TBC1D8: variants seen among roughly 807,000 people sequenced by gnomAD.
The protein encoded by TBC1D8 is BUB2-like protein 1.
A neutral mutation model predicts 118.8 loss-of-function variants in TBC1D8; 65 were observed. The ratio of observed to expected loss-of-function variants is 0.55; its 90% CI spans 0.45 to 0.67. The LOEUF (loss-of-function observed/expected upper bound fraction) is 0.67. Ranked by LOEUF, TBC1D8 falls within the 30% of genes least tolerant of loss-of-function variation. TBC1D8 has a pLI of 0.00. For missense variants in TBC1D8, 1,376 were observed against 1,471.2 expected (o/e 0.94, Z 1.06); for synonymous variants, 566 against 595.8 (o/e 0.95, Z 0.73).
At chr2:101,126,364 A>G (rs572189996) in intron 1 of TBC1D8, among the ~76,000 whole-genome samples, 1 of 152,316 alleles carries the variant, frequency 6.6e-6, no homozygotes, top group South Asian at 2.1e-4. Flanking sequence ...CACACAAACC[A>G]TATCCGAACC....
At position 101,032,544 on chromosome 2, in the gene TBC1D8, T is replaced by A. The variant is rs758096492; in HGVS notation, c.1819-159A>T. ...CTGACACTGTACAGTGGAATGACCG[T>A]GACAGCAACACAGTCCTCACAGGAC... On this transcript the variant is annotated intron_variant, in intron 10 of 19. Coordinates refer to ENST00000409318, the MANE Select transcript of TBC1D8 (RefSeq NM_001330348.2). The A allele has an allele frequency of 3.7e-5, 22 of 597,966 alleles. No homozygotes were observed. The Middle Eastern group carries it at 1.3e-3, about 37-fold the overall frequency. 37.0% of individuals were successfully genotyped at this position (597,966 alleles called of 1,614,324 possible).
intron 4 of TBC1D8, among the ~76,000 whole-genome samples, chr2:101,053,737 G>A (rs974027613): frequency 7.9e-5 from 12 of 152,256 alleles, no homozygotes; most frequent in Admixed American, 4.6e-4. Flanking sequence ...GGGCAGTCCC[G>A]ACCTTCAGCG....
At chr2:101,130,584 A>G (rs536607549) in intron 1 of TBC1D8, among the ~76,000 whole-genome samples, 1 of 152,366 alleles carries the variant, frequency 6.6e-6, no homozygotes, top group South Asian at 2.1e-4. Context: ...AGCTACAAAA[A>G]GTCAATTTTT....
intron 2 of TBC1D8, among the ~76,000 whole-genome samples, chr2:101,089,510 G>A (rs1675871017): frequency 6.6e-6 from 1 of 152,116 alleles, no homozygotes; most frequent in Non-Finnish European, 1.5e-5. Flanking sequence ...GAACCTGAGT[G>A]GTTAGACAGA....
intron 2 of TBC1D8, among the ~76,000 whole-genome samples, chr2:101,067,744 T>G (rs74982746): frequency 3.3e-4 from 51 of 152,300 alleles, no homozygotes; most frequent in African/African-American, 1.2e-3. Flanking sequence ...GCTGTGACAA[T>G]TTCTCAACAT....
intron 1 of TBC1D8, among the ~76,000 whole-genome samples, chr2:101,091,532 C>T (rs1676031998): frequency 6.6e-6 from 1 of 152,048 alleles, no homozygotes; most frequent in Admixed American, 6.5e-5. Context: ...TGAGACCAGG[C>T]TGGGCAATAC....
At chr2:101,017,981 C>T (rs1178726582) in intron 17 of TBC1D8, 28 of 1,518,014 alleles carry the variant, frequency 1.8e-5, no homozygotes, top group East Asian at 4.9e-5. Context: ...AGGATTCGAA[C>T]GGTTCCAATG....
chr2:101,084,850 T>TA (rs376813426), intron 2 of TBC1D8, among the ~76,000 whole-genome samples: 1,175 of 14,904 alleles, frequency 0.079, 17 homozygotes, highest in African/African-American at 0.24. Context: ...GTATTCACTA[T>TA]TTTTTTTTTT....
At chr2:101,073,642 A>G (rs1301530155) in intron 2 of TBC1D8, among the ~76,000 whole-genome samples, 1 of 152,170 alleles carries the variant, frequency 6.6e-6, no homozygotes, top group Non-Finnish European at 1.5e-5. Flanking sequence ...ACCTTCATCA[A>G]CGAGCTCTGC....
intron 2 of TBC1D8, among the ~76,000 whole-genome samples, chr2:101,082,576 G>C (rs1392432158): frequency 1.3e-5 from 2 of 152,220 alleles, no homozygotes; most frequent in African/African-American, 2.4e-5. Flanking sequence ...ACTTACAATG[G>C]AATATCATTC....
In TBC1D8 at chr2:101,095,006, T is replaced by C. The variant is rs190368326; in HGVS notation, c.128-4642A>G. Among the ~76,000 whole-genome samples the C allele has an allele frequency of 3.9e-5, 6 of 152,208 alleles. No homozygotes were observed. The East Asian group carries it at 1.2e-3, about 29-fold the overall frequency. ...AATCGTAGGAATATTTAAATGGTGA[T>C]TTTTGGCAACTTGCTGGAGGCTGAG... On this transcript the variant is annotated intron_variant, in intron 1 of 19. Transcript: ENST00000409318.
At chr2:101,110,991 A>G (rs1315944972) in intron 1 of TBC1D8, among the ~76,000 whole-genome samples, 1 of 151,768 alleles carries the variant, frequency 6.6e-6, no homozygotes, top group Non-Finnish European at 1.5e-5. Context: ...AAAAAAAAAA[A>G]AAAAAAAGAA....
At chr2:101,123,970 AT>A (rs1678239663) in intron 1 of TBC1D8, among the ~76,000 whole-genome samples, 1 of 152,176 alleles carries the variant, frequency 6.6e-6, no homozygotes, top group Admixed American at 6.5e-5. Context: ...GGCAGGAGTG[AT>A]TAAAACATCG....
At chr2:101,018,811 A>G (rs1046177736) in intron 17 of TBC1D8, among the ~76,000 whole-genome samples, 1 of 152,190 alleles carries the variant, frequency 6.6e-6, no homozygotes, top group Non-Finnish European at 1.5e-5. Flanking sequence ...TTTCCAAGGA[A>G]AATAAAGTTC....
intron 1 of TBC1D8, among the ~76,000 whole-genome samples, chr2:101,140,760 CT>C (rs34909669): frequency 0.025 from 3,224 of 131,248 alleles, 50 homozygotes; most frequent in Admixed American, 0.066. Context: ...TATATTACTA[CT>C]TTTTTTTTTT....
chr2:101,117,987 C>G (rs1423161469), intron 1 of TBC1D8, among the ~76,000 whole-genome samples: 3 of 150,858 alleles, frequency 2.0e-5, no homozygotes, highest in Non-Finnish European at 4.4e-5. Flanking sequence ...AGTCATCTCT[C>G]AGTAACTTCC....
At chr2:101,079,391 T>G (rs919452705) in intron 2 of TBC1D8, among the ~76,000 whole-genome samples, 1 of 152,202 alleles carries the variant, frequency 6.6e-6, no homozygotes, top group African/African-American at 2.4e-5. Context: ...GTTTTATTCA[T>G]GTATTTATTT....
At position 101,028,048 on chromosome 2, in the gene TBC1D8, C is replaced by G. The variant is rs752947621; in HGVS notation, c.2451G>C (p.Val817=). Residue 817 remains valine (V), a splice_region_variant and synonymous_variant, in exon 14 of 20, where the codon GTG becomes GTC. Transcript: ENST00000409318. ...QGHEDTTKQN[V]LRVVIPEVSI... is the part of the protein sequence containing the mutation. ...CCGGGGTGAGGCGTCTGCTACCCAC[C>G]ACGTTCTGCTTTGTGGTGTCCTCGT... 4.3e-6 allele frequency: 7 copies of G among 1,614,018 alleles called. No individual in the cohort carries two copies. Among genetic ancestry groups the G allele is most frequent in the Non-Finnish European group, 5.9e-6 (7 of 1,179,890 alleles).
In TBC1D8 at chr2:101,029,635, A is replaced by C. The variant is rs1489946086; in HGVS notation, c.2078T>G (p.Leu693Arg). ...FLTLFLSIMP[L>R]ESAVNVVDCF... ...GTCTACCACATTCACCGCACTCTCT[A>C]GAGGCATGATGCTGAGGAACAGGGT... The change falls in exon 12 of 20, where the codon CTA becomes CGA. Residue 693 changes from leucine to arginine, a missense_variant. Transcript: ENST00000409318. 6.2e-7 allele frequency: 1 copy of C among 1,613,996 alleles called. No individual in the cohort carries two copies. The highest frequency in any genetic ancestry group is 1.7e-5 in the Admixed American group (1 of 60,016).
Sources: gnomAD v4.1 joint callset for allele counts (sites outside exome capture counted in the v4.1 genomes callset) on GRCh38, gnomAD v4.1.1 for gene constraint, MANE v1.5 for transcripts, NCBI Gene and HGNC (gene_info 2026-07-23, HGNC 2026-07-21) for gene names.